Variants in TPBG observed in about 807,000 individuals in gnomAD.
TPBG encodes the protein 5T4 oncofetal antigen.
TPBG carries 13 observed loss-of-function variants against 19.3 expected under a neutral mutation model. The ratio of observed to expected loss-of-function variants is 0.67; its 90% CI spans 0.44 to 1.07. TPBG has a LOEUF of 1.07. Ranked by LOEUF, TPBG falls within the 50% of genes least tolerant of loss-of-function variation. The pLI, the probability that TPBG is intolerant of heterozygous loss-of-function variation, is 0.00. For synonymous variants in TPBG, 338 were observed against 259.8 expected, an observed-to-expected ratio of 1.30 and a Z score of -2.89; for missense variants, 642 against 559.6, an observed-to-expected ratio of 1.15 and a Z score of -1.49.
rs1767432527 is a variant in TPBG, at chr6:82,364,890, C to T, written c.-72C>T. The T allele has an allele frequency of 3.9e-6, 5 of 1,284,496 alleles. No individual in the cohort carries two copies. Among genetic ancestry groups the T allele is most frequent in the Admixed American group, 3.8e-5 (1 of 26,478 alleles). The allele number at this position is 1,284,496 out of a possible 1,614,324, so 79.6% of individuals were successfully genotyped here. A position where few individuals can be genotyped will look rare whatever the true frequency, so the allele number is the denominator to read the frequency against. ...CCAGACGCTTCCGCCGGCTCGCGCC[C>T]TCCGGGCCCAGCCTCCCGAGCCTTC... On this transcript the variant is annotated 5_prime_UTR_variant, in exon 2 of 2. Transcript: ENST00000369750.
chr6:82,363,320 G>A (rs1478290465), upstream of TPBG: 2 of 152,002 alleles, frequency 1.3e-5, no homozygotes, highest in South Asian at 4.2e-4. Flanking sequence ...ACCTAAATCT[G>A]AAGTTTGCGG....
rs754230164 is a variant in TPBG, at chr6:82,365,330, C to G, written c.369C>G (p.Leu123=). 1 of 1,578,280 alleles carries G rather than the reference C, an allele frequency of 6.3e-7. No individual in the cohort carries two copies. Among genetic ancestry groups the G allele is most frequent in the Non-Finnish European group, 8.5e-7 (1 of 1,170,038 alleles). The change falls in exon 2 of 2, where the codon CTC becomes CTG. Residue 123 remains leucine (L), a synonymous_variant. Coordinates refer to ENST00000369750, the MANE Select transcript of TPBG (RefSeq NM_001376922.1). ...CGCCGCTGGCGGAGCTGGCCGCGCT[C>G]AACCTCAGCGGCAGCCGCCTGGACG... is the stretch of plus-strand genomic sequence containing the variant. The part of the protein sequence containing the change: ...RRPPLAELAA[L]NLSGSRLDEV...
rs574187183 is a variant in TPBG, at chr6:82,364,646, G to C, written c.-316G>C. On this transcript the variant is annotated 5_prime_UTR_variant, in exon 2 of 2. Transcript: ENST00000369750. ...AGGTCCCTCAGAGGATCCAGCGAGG[G>C]GCGCCAACAAGAGGCGAAGAGGTGG... is the stretch of plus-strand genomic sequence containing the variant. 57 of 346,186 alleles carry C rather than the reference G, an allele frequency of 1.6e-4. No individual in the cohort carries two copies. The South Asian group carries it at 4.9e-3, about 30-fold the overall frequency. The allele number at this position is 346,186 out of a possible 1,614,324, so 21.4% of individuals were successfully genotyped here.
At chr6:82,363,157 A>C (rs1767364744), upstream of TPBG, 1 of 151,820 alleles carries the variant, frequency 6.6e-6, no homozygotes. Context: ...GTAAGAGAAA[A>C]GCTAATGAAT....
Position 82,366,125 on chromosome 6 carries a change from C to A in TPBG, c.1164C>A (p.Ile388=). The part of the protein sequence containing the change: ...RKGIKKWMHN[I]RDACRDHMEG... ...GGATAAAAAAGTGGATGCATAACATCAGAGATGCCTGCAGGGATCACATGG... is the reference window on the plus strand; with the variant it reads ...GGATAAAAAAGTGGATGCATAACATAAGAGATGCCTGCAGGGATCACATGG... Residue 388 remains isoleucine (I), a synonymous_variant, in exon 2 of 2, where the codon ATC becomes ATA. Transcript: ENST00000369750. 6.2e-7 allele frequency: 1 copy of A among 1,614,174 alleles called. No homozygotes were observed. The highest frequency in any genetic ancestry group is 8.5e-7 in the Non-Finnish European group (1 of 1,180,044).
Position 82,364,854 on chromosome 6 carries a change from GTT to G in TPBG, c.-99_-98del. On this transcript the variant is annotated 5_prime_UTR_variant, in exon 2 of 2. Coordinates refer to ENST00000369750, the MANE Select transcript of TPBG (RefSeq NM_001376922.1). ...ACTCCCTCGGTTCCACGAGAGGAAA[GTT>G]TTTTTTTTCCAGACGCTTCCGCCGG... 2.2e-6 allele frequency: 2 copies of G among 916,572 alleles called. No individual in the cohort carries two copies. The highest frequency in any genetic ancestry group is 1.5e-6 in the Non-Finnish European group (1 of 674,552). The allele number at this position is 916,572 out of a possible 1,614,324, so 56.8% of individuals were successfully genotyped here.
Position 82,365,122 on chromosome 6 carries a change from C to A in TPBG, c.161C>A (p.Ala54Asp), listed in dbSNP as rs1384825687. 6.3e-7 allele frequency: 1 copy of A among 1,596,890 alleles called. No homozygotes were observed. Among genetic ancestry groups the A allele is most frequent in the Non-Finnish European group, 8.5e-7 (1 of 1,172,440 alleles). ...CCGTTCCTGGCTTCCGCCGTGTCCG[C>A]CCAGCCCCCGCTGCCGGACCAGTGC... ...SAPFLASAVS[A>D]QPPLPDQCPA... Residue 54 changes from alanine to aspartate, a missense_variant, in exon 2 of 2, where the codon GCC becomes GAC. Transcript: ENST00000369750.
chr6:82,366,254 T>C lies in TPBG; in HGVS notation c.*30T>C. 1 of 1,544,966 alleles carries C rather than the reference T, an allele frequency of 6.5e-7. No homozygotes were observed. Among genetic ancestry groups the C allele is most frequent in the Middle Eastern group, 1.8e-4 (1 of 5,678 alleles). On this transcript the variant is annotated 3_prime_UTR_variant, in exon 2 of 2. Coordinates refer to ENST00000369750, the MANE Select transcript of TPBG (RefSeq NM_001376922.1). The stretch of plus-strand genomic sequence containing the variant: ...TATTAGAGGACAGACCAAGGACAAC[T>C]CTGCATGAGATGTAGACTTAAGCTT...
Position 82,365,270 on chromosome 6 carries a change from G to T in TPBG, c.309G>T (p.Leu103=). ...ACCTCTTCCTTACCGGCAACCAGCTGGCCGTGCTCCCTGCCGGCGCCTTCG... is the reference window on the plus strand; with the variant it reads ...ACCTCTTCCTTACCGGCAACCAGCTTGCCGTGCTCCCTGCCGGCGCCTTCG... ...VRNLFLTGNQ[L]AVLPAGAFAR... Residue 103 remains leucine, a synonymous_variant, in exon 2 of 2, where the codon CTG becomes CTT. Coordinates refer to ENST00000369750, the MANE Select transcript of TPBG (RefSeq NM_001376922.1). 3 of 1,575,084 alleles carry T rather than the reference G, an allele frequency of 1.9e-6. No homozygotes were observed. Among genetic ancestry groups the T allele is most frequent in the Non-Finnish European group, 2.6e-6 (3 of 1,169,502 alleles).
At position 82,364,730 on chromosome 6, in the gene TPBG, C is replaced by T. The variant is rs1767424357; in HGVS notation, c.-232C>T. ...AGGAGCGCGGAGCGGAGCGTCCCGA[C>T]CCGCCGTGCGTACTTTCTGGAGGGA... On this transcript the variant is annotated 5_prime_UTR_variant, in exon 2 of 2. Transcript: ENST00000369750. 1.6e-5 allele frequency: 7 copies of T among 451,214 alleles called. No individual in the cohort carries two copies. Among genetic ancestry groups the T allele is most frequent in the Non-Finnish European group, 1.9e-5 (5 of 260,482 alleles). The allele number at this position is 451,214 out of a possible 1,614,324, so 28.0% of individuals were successfully genotyped here.
chr6:82,365,060 T>A lies in TPBG; in HGVS notation c.99T>A (p.Ser33=). 6.4e-7 allele frequency: 1 copy of A among 1,552,840 alleles called. No homozygotes were observed. Among genetic ancestry groups the A allele is most frequent in the Non-Finnish European group, 8.7e-7 (1 of 1,148,316 alleles). ...TCCTGGGCTGGGTCTCCTCGTCTTCTCCCACCTCCTCGGCATCCTCCTTCT... is the reference window on the plus strand; with the variant it reads ...TCCTGGGCTGGGTCTCCTCGTCTTCACCCACCTCCTCGGCATCCTCCTTCT... The part of the protein sequence containing the change: ...LVLLGWVSSS[S]PTSSASSFSS... The change falls in exon 2 of 2, where the codon TCT becomes TCA. Residue 33 remains serine, a synonymous_variant. Transcript: ENST00000369750.
Position 82,365,188 on chromosome 6 carries a change from A to G in TPBG, c.227A>G (p.Lys76Arg), listed in dbSNP as rs1188493992. ...CECSEAARTV[K>R]CVNRNLTEVP... Reference sequence around the variant, plus strand: ...TGCTCCGAGGCAGCGCGCACAGTCAAGTGCGTTAACCGCAATCTGACCGAG... The same window carrying G: ...TGCTCCGAGGCAGCGCGCACAGTCAGGTGCGTTAACCGCAATCTGACCGAG... Residue 76 changes from lysine (K) to arginine (R), a missense_variant, in exon 2 of 2, where the codon AAG becomes AGG. Coordinates refer to ENST00000369750, the MANE Select transcript of TPBG (RefSeq NM_001376922.1). The G allele has an allele frequency of 1.2e-6, 2 of 1,600,130 alleles. No individual in the cohort carries two copies. Among genetic ancestry groups the G allele is most frequent in the Middle Eastern group, 1.7e-4 (1 of 6,018 alleles).
At position 82,365,275 on chromosome 6, in the gene TPBG, T is replaced by A. The variant is rs746087096; in HGVS notation, c.314T>A (p.Val105Glu). The change falls in exon 2 of 2, where the codon GTG becomes GAG. Residue 105 changes from valine to glutamate, a missense_variant. Transcript: ENST00000369750. ...TTCCTTACCGGCAACCAGCTGGCCG[T>A]GCTCCCTGCCGGCGCCTTCGCCCGC... is the stretch of plus-strand genomic sequence containing the variant. ...NLFLTGNQLA[V>E]LPAGAFARRP... The A allele has an allele frequency of 1.7e-5, 26 of 1,570,978 alleles. No individual in the cohort carries two copies. The highest frequency in any genetic ancestry group is 2.2e-5 in the Non-Finnish European group (26 of 1,168,014).
rs994445987 is a variant in TPBG at position 82,367,069 on chromosome 6, C to T, written c.*845C>T. The T allele has an allele frequency of 1.8e-5, 3 of 166,934 alleles. No individual in the cohort carries two copies. Among genetic ancestry groups the T allele is most frequent in the African/African-American group, 7.2e-5 (3 of 41,424 alleles). 10.3% of individuals were successfully genotyped at this position (166,934 alleles called of 1,614,324 possible). ...TCTAATATAAATAGACTTGGGAGAT[C>T]GTTTTGAAATGGTGGATCCTTTTAG... On this transcript the variant is annotated 3_prime_UTR_variant, in exon 2 of 2. Coordinates refer to ENST00000369750, the MANE Select transcript of TPBG (RefSeq NM_001376922.1).
In TPBG at chr6:82,365,914, A is replaced by G. The variant is rs758767711; in HGVS notation, c.953A>G (p.Lys318Arg). ...WLKETEVVQG[K>R]DRLTCAYPEK... is the part of the protein sequence containing the mutation. ...AAGGAAACAGAGGTAGTGCAGGGCA[A>G]AGACCGGCTCACCTGTGCATATCCG... Residue 318 changes from lysine (K) to arginine (R), a missense_variant, in exon 2 of 2, where the codon AAA becomes AGA. Transcript: ENST00000369750. 8 of 1,614,182 alleles carry G rather than the reference A, an allele frequency of 5.0e-6. No homozygotes were observed. The East Asian group carries it at 1.8e-4, about 36-fold the overall frequency.
Position 82,365,256 on chromosome 6 carries a change from A to C in TPBG, c.295A>C (p.Thr99Pro), listed in dbSNP as rs2127872308. ...LPAYVRNLFL[T>P]GNQLAVLPAG... The stretch of plus-strand genomic sequence containing the variant: ...CGCCTACGTGCGCAACCTCTTCCTT[A>C]CCGGCAACCAGCTGGCCGTGCTCCC... The change falls in exon 2 of 2, where the codon ACC becomes CCC. Residue 99 changes from threonine (T) to proline (P), a missense_variant. By Grantham distance (38) the Thr-to-Pro change is conservative. Transcript: ENST00000369750. 6.3e-7 allele frequency: 1 copy of C among 1,581,926 alleles called. No individual in the cohort carries two copies. Among genetic ancestry groups the C allele is most frequent in the Non-Finnish European group, 8.5e-7 (1 of 1,171,794 alleles).
At position 82,365,375 on chromosome 6, in the gene TPBG, C is replaced by T. The variant is rs374727144; in HGVS notation, c.414C>T (p.Phe138=). 4.4e-6 allele frequency: 7 copies of T among 1,590,692 alleles called. No homozygotes were observed. The African/African-American group carries it at 5.4e-5, about 12-fold the overall frequency. ...TGGACGAGGTGCGCGCGGGCGCCTT[C>T]GAGCATCTGCCCAGCCTGCGCCAGC... The part of the protein sequence containing the change: ...SRLDEVRAGA[F]EHLPSLRQLD... Residue 138 remains phenylalanine, a synonymous_variant, in exon 2 of 2, where the codon TTC becomes TTT. Coordinates refer to ENST00000369750, the MANE Select transcript of TPBG (RefSeq NM_001376922.1).
rs967031990 is a variant in TPBG at position 82,364,823 on chromosome 6, G to T, written c.-139G>T. ...AGGGGGTTAGCCAAGTTCCGGCTGC[G>T]GCGCCACTCCCTCGGTTCCACGAGA... On this transcript the variant is annotated 5_prime_UTR_variant, in exon 2 of 2. Coordinates refer to ENST00000369750, the MANE Select transcript of TPBG (RefSeq NM_001376922.1). 7 of 710,872 alleles carry T rather than the reference G, an allele frequency of 9.8e-6. No individual in the cohort carries two copies. Among genetic ancestry groups the T allele is most frequent in the Non-Finnish European group, 1.5e-5 (7 of 482,366 alleles). 44.0% of individuals were successfully genotyped at this position (710,872 alleles called of 1,614,324 possible). A position where few individuals can be genotyped will look rare whatever the true frequency, so the allele number is the denominator to read the frequency against.
At position 82,364,902 on chromosome 6, in the gene TPBG, C is replaced by T. The variant is rs1393604125; in HGVS notation, c.-60C>T. 6.7e-5 allele frequency: 89 copies of T among 1,322,612 alleles called. No homozygotes were observed. Among genetic ancestry groups the T allele is most frequent in the Non-Finnish European group, 8.6e-5 (88 of 1,021,230 alleles). 81.9% of individuals were successfully genotyped at this position (1,322,612 alleles called of 1,614,324 possible). On this transcript the variant is annotated 5_prime_UTR_variant, in exon 2 of 2. Coordinates refer to ENST00000369750, the MANE Select transcript of TPBG (RefSeq NM_001376922.1). ...GCCGGCTCGCGCCCTCCGGGCCCAG[C>T]CTCCCGAGCCTTCGGAGCGGGCGCC...
Sources: gnomAD v4.1 joint callset for allele counts on GRCh38, gnomAD v4.1.1 for gene constraint, MANE v1.5 for transcripts, NCBI Gene and HGNC (gene_info 2026-07-23, HGNC 2026-07-21) for gene names.